Variants in MAPT observed in about 807,000 individuals in gnomAD.
MAPT encodes the protein microtubule-associated protein tau.
A neutral mutation model predicts 67.9 loss-of-function variants in MAPT; 34 were observed. The ratio of observed to expected loss-of-function variants is 0.50; its 90% CI spans 0.38 to 0.67. The LOEUF (loss-of-function observed/expected upper bound fraction) is 0.67. Ranked by LOEUF, MAPT falls within the 30% of genes least tolerant of loss-of-function variation. The pLI, the probability that MAPT is intolerant of heterozygous loss-of-function variation, is 0.00. For missense variants in MAPT, 881 were observed against 1,115.2 expected (o/e 0.79, Z 2.99); for synonymous variants, 456 against 464.5 (o/e 0.98, Z 0.23).
chr17:45,998,319 G>T (rs998955509), intron 9 of MAPT, among the ~76,000 whole-genome samples: 1 of 152,092 alleles, frequency 6.6e-6, no homozygotes, highest in Non-Finnish European at 1.5e-5. Flanking sequence ...GGAAATGGAC[G>T]GTCGGGTTAA....
At position 45,948,907 on chromosome 17, in the gene MAPT, C is replaced by T. The variant is rs184647873; in HGVS notation, c.-17-13414C>T. Reference sequence around the variant, plus strand: ...CCAAAAATTACCTTGGAGAACAAAGCGCATGTTAAGGTTATTTTTGGATTC... The same window carrying T: ...CCAAAAATTACCTTGGAGAACAAAGTGCATGTTAAGGTTATTTTTGGATTC... On this transcript the variant is annotated intron_variant, in intron 1 of 12. Transcript: ENST00000262410. Among the ~76,000 whole-genome samples the T allele has an allele frequency of 1.9e-3, 288 of 152,200 alleles. 1 individual carries two copies. Among genetic ancestry groups the T allele is most frequent in the African/African-American group, 6.7e-3 (278 of 41,526 alleles).
At chr17:45,991,324 G>A in intron 7 of MAPT, 136 bp from the exon 8 acceptor site, 3 of 1,041,850 alleles carry the variant, frequency 2.9e-6, no homozygotes, top group Non-Finnish European at 4.4e-6. Flanking sequence ...GACACTAGTG[G>A]CATCTAGGAG....
intron 1 of MAPT, among the ~76,000 whole-genome samples, chr17:45,959,209 G>A (rs1022747602): frequency 2.0e-5 from 3 of 152,134 alleles, no homozygotes; most frequent in South Asian, 4.1e-4. Flanking sequence ...TGCCCTCCAC[G>A]TACAGCCTCC....
At chr17:45,913,224 TG>T (rs1280545942) in intron 1 of MAPT, among the ~76,000 whole-genome samples, 1 of 152,190 alleles carries the variant, frequency 6.6e-6, no homozygotes, top group Non-Finnish European at 1.5e-5. Flanking sequence ...ACATCTTACA[TG>T]GATGGCAGCA....
chr17:45,979,497 T>A (rs2072731518), intron 4 of MAPT: 1 of 152,210 alleles, frequency 6.6e-6, no homozygotes, highest in South Asian at 2.1e-4. Context: ...TAACTACACA[T>A]TCCTGCCCCC....
At chr17:45,940,739 A>T (rs1010668886) in intron 1 of MAPT, among the ~76,000 whole-genome samples, 1 of 152,136 alleles carries the variant, frequency 6.6e-6, no homozygotes, top group Non-Finnish European at 1.5e-5. Context: ...TCAGGGACAC[A>T]GTTTCTAGCT....
chr17:46,005,250 A>T (rs2075332804), intron 9 of MAPT, among the ~76,000 whole-genome samples: 1 of 152,188 alleles, frequency 6.6e-6, no homozygotes, highest in African/African-American at 2.4e-5. Context: ...AACCCATGAC[A>T]TTTCCCTTTT....
At chr17:46,004,141 A>G (rs1457561024) in intron 9 of MAPT, among the ~76,000 whole-genome samples, 1 of 151,316 alleles carries the variant, frequency 6.6e-6, no homozygotes, top group African/African-American at 2.4e-5. Context: ...AGCACCAGGC[A>G]GTGCTGGAGA....
chr17:45,992,760 G>A (rs549625454), intron 8 of MAPT, among the ~76,000 whole-genome samples: 14 of 152,098 alleles, frequency 9.2e-5, no homozygotes, highest in East Asian at 3.9e-4. Flanking sequence ...GCGTGGTGGC[G>A]GGCGCCTGTA....
In MAPT at chr17:45,915,312, G is replaced by A; in HGVS notation, c.-18+20626G>A. 6.6e-6 allele frequency among the ~76,000 whole-genome samples: 1 copy of A among 151,146 alleles called. No homozygotes were observed. The highest frequency in any genetic ancestry group is 2.4e-5 in the African/African-American group (1 of 40,950). ...GTGTGTGCTGTGTGAGCGTGTGTGA[G>A]TCTGTGTGTGTAGTGTGTGTGTGAA... On this transcript the variant is annotated intron_variant, in intron 1 of 12. Coordinates refer to ENST00000262410, the MANE Select transcript of MAPT (RefSeq NM_001377265.1). This position sits in a 1 kb window ranked among gnomAD's most constrained non-coding sequence, Gnocchi z 4.4.
intron 1 of MAPT, among the ~76,000 whole-genome samples, chr17:45,912,722 T>G (rs762224624): frequency 6.6e-6 from 1 of 152,224 alleles, no homozygotes; most frequent in Non-Finnish European, 1.5e-5. Context: ...AGTAAGTATG[T>G]CCCATGCAAT....
chr17:45,963,931 G>A (rs987202964), intron 2 of MAPT, among the ~76,000 whole-genome samples: 3 of 152,184 alleles, frequency 2.0e-5, no homozygotes, highest in Admixed American at 2.0e-4. Context: ...GGGTGCAGGT[G>A]GGTTGGGGGT....
rs2074053118 is a variant in MAPT at position 45,991,508 on chromosome 17, C to T, written c.1654C>T (p.Pro552Ser). The change falls in exon 8 of 13, where the codon CCA becomes TCA. Residue 552 changes from proline (P) to serine (S), a missense_variant. Around this residue, in one of 6 missense-constraint regions of MAPT, gnomAD observed 687 missense variants for 766.1 expected, o/e 0.90. Coordinates refer to ENST00000262410, the MANE Select transcript of MAPT (RefSeq NM_001377265.1). The stretch of plus-strand genomic sequence containing the variant: ...CGCCACACCGCGGGGAGCAGCCCCT[C>T]CAGGCCAGAAGGGCCAGGCCAACGC... ...KIATPRGAAPPGQKGQANATR... is the reference protein window; with the variant it reads ...KIATPRGAAPSGQKGQANATR... 1 of 1,614,208 alleles carries T rather than the reference C, an allele frequency of 6.2e-7. No individual in the cohort carries two copies. The highest frequency in any genetic ancestry group is 2.2e-5 in the East Asian group (1 of 44,874).
chr17:45,986,428 G>A (rs1158787581), intron 5 of MAPT, among the ~76,000 whole-genome samples: 1 of 152,226 alleles, frequency 6.6e-6, no homozygotes, highest in African/African-American at 2.4e-5. Context: ...TGGAAATCAG[G>A]ACTGCTGGCA....
At chr17:45,902,778 A>G (rs2063705508) in intron 1 of MAPT, among the ~76,000 whole-genome samples, 1 of 152,222 alleles carries the variant, frequency 6.6e-6, no homozygotes, top group African/African-American at 2.4e-5. Flanking sequence ...TCAATGTCCA[A>G]CACTAAAAAC....
chr17:46,006,254 G>A (rs1256458682), intron 9 of MAPT, among the ~76,000 whole-genome samples: 1 of 152,198 alleles, frequency 6.6e-6, no homozygotes, highest in Non-Finnish European at 1.5e-5. Flanking sequence ...ATACTATTCA[G>A]CCATGAAAAA....
At chr17:45,938,769 T>C (rs1273074917) in intron 1 of MAPT, among the ~76,000 whole-genome samples, 1 of 151,740 alleles carries the variant, frequency 6.6e-6, no homozygotes, top group African/African-American at 2.4e-5. Flanking sequence ...TCAGCTTCCC[T>C]AGTAGCTGGA....
At chr17:45,968,578 C>T (rs1261342404) in intron 2 of MAPT, among the ~76,000 whole-genome samples, 6 of 152,174 alleles carry the variant, frequency 3.9e-5, no homozygotes, top group Non-Finnish European at 8.8e-5. Flanking sequence ...ATGTGCTTGA[C>T]GGGGTATGTG....
intron 1 of MAPT, among the ~76,000 whole-genome samples, chr17:45,929,604 T>C (rs545747126): frequency 5.9e-5 from 9 of 152,296 alleles, no homozygotes; most frequent in African/African-American, 2.2e-4. Context: ...TCGCCAGGCT[T>C]GTGTCCTGTT....
Sources: allele counts gnomAD v4.1 joint callset (sites outside exome capture counted in the v4.1 genomes callset), GRCh38; gene constraint gnomAD v4.1.1; regional missense constraint gnomAD v4.1.1; non-coding constraint Gnocchi (gnomAD v3.1); transcripts MANE v1.5; gene names NCBI Gene and HGNC (gene_info 2026-07-23, HGNC 2026-07-21).